Variants in EYS observed in about 807,000 individuals in gnomAD.
EYS encodes protein eyes shut homolog.
In EYS, 250 loss-of-function variants were observed where a neutral mutation model predicts 282.1. The ratio of observed to expected loss-of-function variants is 0.89; its 90% confidence interval spans 0.80 to 0.98. The LOEUF (loss-of-function observed/expected upper bound fraction) is 0.98. EYS is among the 50% of genes least tolerant of loss of function. EYS has a pLI of 0.00. For synonymous variants in EYS, 1,355 were observed against 1,282.9 expected (o/e 1.06, Z -1.20); for missense variants, 4,016 against 3,709.0 (o/e 1.08, Z -2.15).
At chr6:63,834,149 G>C (rs1313243669) in intron 36 of EYS, among the ~76,000 whole-genome samples, 2 of 152,062 alleles carry the variant, frequency 1.3e-5, no homozygotes, top group African/African-American at 2.4e-5. Context: ...CATAGGCAGG[G>C]GCAAGGACTT....
chr6:64,046,091 T>G (rs1770614796), intron 33 of EYS, among the ~76,000 whole-genome samples: 1 of 148,188 alleles, frequency 6.7e-6, no homozygotes, highest in African/African-American at 2.5e-5. Context: ...ATCTTACATA[T>G]ATTTACATAT....
Position 64,589,270 on chromosome 6 carries a change from C to A in EYS, c.5644+953G>T, listed in dbSNP as rs138382446. Among the ~76,000 whole-genome samples, 262 of 151,990 alleles carry A rather than the reference C, an allele frequency of 1.7e-3. 1 individual carries two copies. Among genetic ancestry groups the A allele is most frequent in the Non-Finnish European group, 2.7e-3 (186 of 67,910 alleles). ...GATATACCAAATAGAATGACTTGTT[C>A]TTTCATGTTACTGAATTTTCAGCCA... On this transcript the variant is annotated intron_variant, in intron 26 of 42. Transcript: ENST00000503581.
chr6:65,228,767 T>C (rs771017716), intron 12 of EYS, among the ~76,000 whole-genome samples: 1 of 152,068 alleles, frequency 6.6e-6, no homozygotes, highest in Non-Finnish European at 1.5e-5. Context: ...AGACTTGTTA[T>C]AATGCTGTAG....
intron 13 of EYS, among the ~76,000 whole-genome samples, chr6:65,043,528 A>G (rs1229052221): frequency 1.3e-5 from 2 of 151,486 alleles, no homozygotes; most frequent in African/African-American, 2.4e-5. Flanking sequence ...CCTTTTATCA[A>G]CAATTCCTAA....
intron 15 of EYS, among the ~76,000 whole-genome samples, chr6:64,930,313 T>C (rs965704059): frequency 3.3e-5 from 5 of 152,072 alleles, no homozygotes; most frequent in African/African-American, 1.2e-4. Context: ...CCCACACATA[T>C]TTTGTTCAAA....
At chr6:65,284,159 ATGT>A (rs1768296662) in intron 12 of EYS, among the ~76,000 whole-genome samples, 1 of 152,094 alleles carries the variant, frequency 6.6e-6, no homozygotes, top group African/African-American at 2.4e-5. Flanking sequence ...TGCTAGGTTC[ATGT>A]TGTACACTGC....
chr6:65,076,626 A>T (rs1479753178), intron 12 of EYS, among the ~76,000 whole-genome samples: 6 of 151,920 alleles, frequency 3.9e-5, no homozygotes, highest in Non-Finnish European at 8.8e-5. Flanking sequence ...TATAGAAATT[A>T]TCCTCAGAGT....
chr6:64,393,687 C>A (rs1410422990), intron 28 of EYS, among the ~76,000 whole-genome samples: 2 of 151,326 alleles, frequency 1.3e-5, no homozygotes, highest in Admixed American at 6.6e-5. Context: ...ACTGAATGGG[C>A]AAAAACTGGA....
At chr6:65,418,400 T>G (rs2150375168) in intron 5 of EYS, among the ~76,000 whole-genome samples, 1 of 152,194 alleles carries the variant, frequency 6.6e-6, no homozygotes, top group East Asian at 1.9e-4. Context: ...CCTATTATTC[T>G]GCTATAAGGA....
In EYS at chr6:64,810,857, A is replaced by T. The variant is rs114102417; in HGVS notation, c.3443+2521T>A. On this transcript the variant is annotated intron_variant, in intron 22 of 42. Transcript: ENST00000503581. ...AATGAAGACATTAACTTTTACTATG[A>T]TTGGCATAAACTTTGAAGCAAAAAT... Among the ~76,000 whole-genome samples the T allele has an allele frequency of 6.7e-3, 1,022 of 152,190 alleles. 16 individuals are homozygous for T. Among genetic ancestry groups the T allele is most frequent in the African/African-American group, 0.023 (956 of 41,562 alleles).
At chr6:65,426,563 A>T (rs13193955) in intron 5 of EYS, among the ~76,000 whole-genome samples, 29,232 of 152,040 alleles carry the variant, frequency 0.19, 2,976 homozygotes, top group South Asian at 0.34. Context: ...ATGTTTTCCT[A>T]AATAAAGTTG....
intron 13 of EYS, 99 bp from the exon 14 acceptor site, chr6:64,997,802 C>T: frequency 2.9e-6 from 3 of 1,043,360 alleles, no homozygotes; most frequent in Non-Finnish European, 4.0e-6. Flanking sequence ...ATGTAGTTCA[C>T]TTTTAACCAA....
intron 12 of EYS, among the ~76,000 whole-genome samples, chr6:65,113,568 A>G (rs2350522): frequency 0.26 from 39,830 of 151,916 alleles, 6,410 homozygotes; most frequent in African/African-American, 0.45. Context: ...TGTATTCAAT[A>G]CAGAATTTTA....
chr6:65,369,287 T>G (rs114609856), intron 8 of EYS, among the ~76,000 whole-genome samples: 1 of 128,692 alleles, frequency 7.8e-6, no homozygotes, highest in Non-Finnish European at 1.6e-5. Flanking sequence ...TTATATATAT[T>G]ATATATATAT....
intron 15 of EYS, among the ~76,000 whole-genome samples, chr6:64,930,957 A>C (rs987254700): frequency 6.6e-6 from 1 of 152,170 alleles, no homozygotes; most frequent in African/African-American, 2.4e-5. Context: ...AGAAATAAAG[A>C]AGGCAGTTAA....
At chr6:64,926,826 C>A (rs1484959098) in intron 15 of EYS, among the ~76,000 whole-genome samples, 2 of 152,084 alleles carry the variant, frequency 1.3e-5, no homozygotes, top group South Asian at 2.1e-4. Context: ...AAGAGATAGA[C>A]CCTAAAATGT....
At chr6:64,441,389 T>C (rs1180016498) in intron 26 of EYS, among the ~76,000 whole-genome samples, 2 of 152,158 alleles carry the variant, frequency 1.3e-5, no homozygotes, top group African/African-American at 4.8e-5. Context: ...AGAACAGAGC[T>C]TTCAATTGCA....
At chr6:65,523,178 T>C (rs1278574201) in intron 2 of EYS, among the ~76,000 whole-genome samples, 1 of 152,210 alleles carries the variant, frequency 6.6e-6, no homozygotes, top group Admixed American at 6.5e-5. Flanking sequence ...AAATGCATTA[T>C]GGGGTAATGT....
intron 12 of EYS, among the ~76,000 whole-genome samples, chr6:65,117,801 T>C (rs1027102068): frequency 1.3e-5 from 2 of 152,188 alleles, no homozygotes; most frequent in Non-Finnish European, 2.9e-5. Context: ...TTAAATATGT[T>C]ATTAATGCCC....
Sources: allele counts gnomAD v4.1 joint callset (sites outside exome capture counted in the v4.1 genomes callset), GRCh38; gene constraint gnomAD v4.1.1; transcripts MANE v1.5; gene names NCBI Gene and HGNC (gene_info 2026-07-23, HGNC 2026-07-21).